Variants in BBS2 observed in about 807,000 individuals in gnomAD.
The protein encoded by BBS2 is BBSome complex member BBS2.
BBS2 carries 62 observed loss-of-function variants against 83.0 expected under a neutral mutation model. That is an observed-to-expected ratio of 0.75 (90% confidence interval 0.61 to 0.92). The LOEUF is 0.92. Among genes scored for constraint, BBS2 ranks in the 40% least tolerant of loss-of-function variants. The pLI, the probability that BBS2 is intolerant of heterozygous loss-of-function variation, is 0.00. For missense variants in BBS2, 784 were observed against 901.0 expected, an observed-to-expected ratio of 0.87 and a Z score of 1.66; for synonymous variants, 303 against 326.1, an observed-to-expected ratio of 0.93 and a Z score of 0.76.
At chr16:56,483,841 AG>A (rs1325328834), downstream of BBS2, among the ~76,000 whole-genome samples, 13 of 151,384 alleles carry the variant, frequency 8.6e-5, no homozygotes, top group African/African-American at 2.2e-4. Context: ...CTGGGATTGT[AG>A]GTGTCCACCA....
At position 56,498,440 on chromosome 16, in the gene BBS2, T is replaced by A; in HGVS notation, c.1656A>T (p.Gly552=). Residue 552 remains glycine (G), a synonymous_variant, in exon 13 of 17, where the codon GGA becomes GGT. Coordinates refer to ENST00000245157, the MANE Select transcript of BBS2 (RefSeq NM_031885.5). The stretch of plus-strand genomic sequence containing the variant: ...GCCCCGTGATATTAAACATTACCTC[T>A]CCACTAAGTTTTATTTTTATATGCA... The part of the protein sequence containing the change: ...GHLHIKIKLS[G]EITINTDDID... 3 of 1,613,920 alleles carry A rather than the reference T, an allele frequency of 1.9e-6. No individual in the cohort carries two copies. The highest frequency in any genetic ancestry group is 2.5e-6 in the Non-Finnish European group (3 of 1,179,934).
rs190608622 is a variant in BBS2 at position 56,475,797 on chromosome 16, G to A, written c.*1-5102C>T. 2.0e-5 allele frequency among the ~76,000 whole-genome samples: 3 copies of A among 152,302 alleles called. No homozygotes were observed. In the East Asian group the frequency reaches 5.8e-4, roughly 29 times the overall value. The stretch of plus-strand genomic sequence containing the variant: ...AATTCCAAATTAAGAGCCATGTGGT[G>A]CATTCCCACAAATCTTACAATGTAG... On this transcript the variant is annotated intron_variant, in intron 17 of 17. Coordinates refer to the BBS2 transcript ENST00000682047.
At position 56,471,969 on chromosome 16, in the gene BBS2, T is replaced by C. The variant is rs536740241; in HGVS notation, c.*1-1274A>G. Among the ~76,000 whole-genome samples the C allele has an allele frequency of 7.9e-4, 121 of 152,206 alleles. 2 individuals carry two copies. Among genetic ancestry groups the C allele is most frequent in the Admixed American group, 5.2e-4 (8 of 15,274 alleles). ...TATCCACTTCTGTTTGTTTGTTTGT[T>C]TGTTTGTTTTGAGACACGGTCTTGC... On this transcript the variant is annotated intron_variant, in intron 17 of 17. Transcript: ENST00000682047.
At chr16:56,508,238 G>A (rs1158899490) in intron 5 of BBS2, among the ~76,000 whole-genome samples, 1 of 152,228 alleles carries the variant, frequency 6.6e-6, no homozygotes, top group Non-Finnish European at 1.5e-5. Flanking sequence ...GAGAAAAGAA[G>A]TCTGACCTTC....
chr16:56,480,285 T>C (rs554894479), downstream of BBS2, among the ~76,000 whole-genome samples: 10 of 141,268 alleles, frequency 7.1e-5, no homozygotes, highest in African/African-American at 2.8e-4. Context: ...TGTTTAAAGA[T>C]TGCCTCTCAA....
intron 7 of BBS2, among the ~76,000 whole-genome samples, chr16:56,504,961 C>T (rs1040422409): frequency 6.6e-6 from 1 of 152,186 alleles, no homozygotes; most frequent in African/African-American, 2.4e-5. Context: ...CCAGAGAGAT[C>T]CCTTGCCCCT....
Position 56,506,202 on chromosome 16 carries a change from A to G in BBS2, c.635T>C (p.Met212Thr), listed in dbSNP as rs764600063. Residue 212 changes from methionine to threonine, a missense_variant, in exon 6 of 17, where the codon ATG (methionine) becomes ACG (threonine). Physicochemically the swap from Met to Thr is moderately conservative, Grantham distance 81. Transcript: ENST00000245157. ...GGCATAACCAAATCGACTGCCATAC[A>G]TGGGACAAAGAGAGGTGACTATCTG... ...ETEIVTSLCP[M>T]YGSRFGYALS... The G allele has an allele frequency of 4.2e-5, 68 of 1,613,800 alleles. No homozygotes were observed. In the Admixed American group the frequency reaches 6.5e-4, roughly 15 times the overall value.
intron 4 of BBS2, 95 bp downstream of exon 4, chr16:56,510,764 A>C: frequency 7.5e-7 from 1 of 1,341,424 alleles, no homozygotes; most frequent in Non-Finnish European, 1.1e-6. Flanking sequence ...AAAATCAGCC[A>C]GGAGAAGCTT....
chr16:56,480,352 C>CCAAAAAAAAAAA (rs1555519770), downstream of BBS2, among the ~76,000 whole-genome samples: 3 of 76,592 alleles, frequency 3.9e-5, no homozygotes, highest in African/African-American at 7.2e-5. Context: ...CACACACACA[C>CCAAAAAAAAAAA]AAAAAAAAAA....
chr16:56,512,696 T>C (rs1964613769), intron 2 of BBS2, among the ~76,000 whole-genome samples: 2 of 152,188 alleles, frequency 1.3e-5, no homozygotes, highest in Admixed American at 6.5e-5. Context: ...CTATGGGAGA[T>C]AGAAATTGAC....
Position 56,484,597 on chromosome 16 carries a change from A to G in BBS2, c.*164T>C, listed in dbSNP as rs1217079129. 4.8e-6 allele frequency: 3 copies of G among 631,406 alleles called. No individual in the cohort carries two copies. The highest frequency in any genetic ancestry group is 1.8e-5 in the African/African-American group (1 of 54,642). 39.1% of individuals were successfully genotyped at this position (631,406 alleles called of 1,614,324 possible). Reference sequence around the variant, plus strand: ...ACTACTGATTTAAAAATAGAAAGCAAGTCTATCTTCACATGTAGTTCTTTG... The same window carrying G: ...ACTACTGATTTAAAAATAGAAAGCAGGTCTATCTTCACATGTAGTTCTTTG... On this transcript the variant is annotated 3_prime_UTR_variant, in exon 17 of 17. Transcript: ENST00000245157.
intron 14 of BBS2, 149 bp downstream of exon 14, chr16:56,497,594 T>G (rs1457734958): frequency 1.0e-6 from 1 of 996,524 alleles, no homozygotes; most frequent in Non-Finnish European, 1.5e-6. Flanking sequence ...AGTAGTAAAC[T>G]CTCCAATACT....
intron 5 of BBS2, among the ~76,000 whole-genome samples, chr16:56,506,906 C>G (rs1964436085): frequency 6.6e-6 from 1 of 152,058 alleles, no homozygotes; most frequent in African/African-American, 2.4e-5. Flanking sequence ...AAGTTAAAAC[C>G]AAAGCTTAAT....
chr16:56,486,748 C>CTTTTTTT (rs1190474419), intron 15 of BBS2, among the ~76,000 whole-genome samples: 9 of 84,214 alleles, frequency 1.1e-4, no homozygotes, highest in African/African-American at 1.9e-4. Flanking sequence ...CAGAAATATT[C>CTTTTTTT]TTTTTTTTTT....
At chr16:56,497,470 A>G (rs537648547) in intron 14 of BBS2, 1 of 525,822 alleles carries the variant, frequency 1.9e-6, no homozygotes, top group Non-Finnish European at 3.4e-6. Flanking sequence ...TACTACAAAT[A>G]AGATGAAGAG....
intron 1 of BBS2, among the ~76,000 whole-genome samples, chr16:56,517,821 CTT>C (rs11429010): frequency 2.1e-4 from 29 of 137,956 alleles, no homozygotes; most frequent in Admixed American, 2.2e-4. Flanking sequence ...TTTGTCAGTG[CTT>C]TTTTTTTTTT....
At chr16:56,473,357 C>G (rs1054747279) in intron 17 of BBS2, among the ~76,000 whole-genome samples, 8 of 152,342 alleles carry the variant, frequency 5.3e-5, no homozygotes, top group Non-Finnish European at 1.2e-4. Context: ...TGCTTGCAAT[C>G]TATTGGATCA....
rs1964411840 is a variant in BBS2, at chr16:56,505,983, C to G, written c.771G>C (p.Val257=). 6.2e-7 allele frequency: 1 copy of G among 1,613,876 alleles called. No individual in the cohort carries two copies. Among genetic ancestry groups the G allele is most frequent in the African/African-American group, 1.3e-5 (1 of 74,926 alleles). Residue 257 remains valine (V), a synonymous_variant, in exon 7 of 17, where the codon GTG becomes GTC. Transcript: ENST00000245157. The part of the protein sequence containing the change: ...IHAFDLNSDG[V]NELITGWSNG... ...TGGACCAACCAGTTATCAGTTCATTCACTCCATCAGAATTAAGGTCAAAAG... is the reference window on the plus strand; with the variant it reads ...TGGACCAACCAGTTATCAGTTCATTGACTCCATCAGAATTAAGGTCAAAAG...
At chr16:56,504,498 A>G (rs1964371184) in intron 7 of BBS2, among the ~76,000 whole-genome samples, 1 of 152,174 alleles carries the variant, frequency 6.6e-6, no homozygotes, top group African/African-American at 2.4e-5. Flanking sequence ...ATTGTCTAGC[A>G]GCATTTATTT....
Sources: gnomAD v4.1 joint callset for allele counts (sites outside exome capture counted in the v4.1 genomes callset) on GRCh38, gnomAD v4.1.1 for gene constraint, MANE v1.5 for transcripts, NCBI Gene and HGNC (gene_info 2026-07-23, HGNC 2026-07-21) for gene names.